The following UBE2N variants were observed in gnomAD, a reference collection of about 807,000 sequenced individuals.
UBE2N encodes the protein ubiquitin-conjugating enzyme E2 N.
For missense variants in UBE2N, 60 were observed against 192.1 expected (o/e 0.31, Z 4.07); for synonymous variants, 70 against 69.2 (o/e 1.01, Z -0.06).
At chr12:93,416,177 G>A (rs1443359537) in intron 1 of UBE2N, among the ~76,000 whole-genome samples, 1 of 152,144 alleles carries the variant, frequency 6.6e-6, no homozygotes, top group Non-Finnish European at 1.5e-5. Flanking sequence ...ATAAACTGTG[G>A]GAGGGGAAAA....
At chr12:93,441,474 C>T (rs1222913600) in intron 1 of UBE2N, among the ~76,000 whole-genome samples, 1 of 152,028 alleles carries the variant, frequency 6.6e-6, no homozygotes, top group Admixed American at 6.5e-5. Flanking sequence ...GCGCCCGAGC[C>T]CCGCCGCGAT....
chr12:93,426,368 T>C (rs772428291), intron 1 of UBE2N, among the ~76,000 whole-genome samples: 5 of 143,554 alleles, frequency 3.5e-5, no homozygotes, highest in Non-Finnish European at 7.5e-5. Flanking sequence ...GAGCCAGCAA[T>C]GTTATTATGT....
Position 93,411,417 on chromosome 12 carries a change from A to G in UBE2N, c.31-118T>C, listed in dbSNP as rs968236412. The G allele has an allele frequency of 8.5e-5, 118 of 1,390,874 alleles. 2 individuals are homozygous for G. Among genetic ancestry groups the G allele is most frequent in the Non-Finnish European group, 1.1e-4 (112 of 1,040,270 alleles). The allele number at this position is 1,390,874 out of a possible 1,614,324, so 86.2% of individuals were successfully genotyped here. On this transcript the variant is annotated intron_variant, in intron 1 of 3. Coordinates refer to ENST00000318066, the MANE Select transcript of UBE2N (RefSeq NM_003348.4). The stretch of plus-strand genomic sequence containing the variant: ...ATAATAGAACAGCTCCAATCTCCCA[A>G]CAGATTTAGCTTATAAAATGCAAAA...
At chr12:93,434,134 A>T (rs1304980229) in intron 1 of UBE2N, among the ~76,000 whole-genome samples, 1 of 150,394 alleles carries the variant, frequency 6.6e-6, no homozygotes, top group African/African-American at 2.5e-5. Flanking sequence ...TACTAAAAAT[A>T]AAAAAAAATT....
chr12:93,416,861 A>G (rs1337717736), intron 1 of UBE2N, among the ~76,000 whole-genome samples: 1 of 151,270 alleles, frequency 6.6e-6, no homozygotes, highest in African/African-American at 2.4e-5. Context: ...CACTACCAAA[A>G]AAAAAAAAAA....
chr12:93,421,067 T>C (rs185169556), intron 1 of UBE2N, among the ~76,000 whole-genome samples: 44 of 152,340 alleles, frequency 2.9e-4, no homozygotes, highest in African/African-American at 9.4e-4. Context: ...TTAATCCTCA[T>C]ACTCATTTTA....
In UBE2N at chr12:93,407,549, T is replaced by A. The variant is rs1241182563; in HGVS notation, c.*2490A>T. ...AGTAACTGGTGAGAAGACAATGACATGCTCTTAGGGTGTCTGCTACTCAGA... is the reference window on the plus strand; with the variant it reads ...AGTAACTGGTGAGAAGACAATGACAAGCTCTTAGGGTGTCTGCTACTCAGA... On this transcript the variant is annotated 3_prime_UTR_variant, in exon 4 of 4. Transcript: ENST00000318066. The A allele has an allele frequency of 6.6e-6, 1 of 152,226 alleles. No homozygotes were observed. The highest frequency in any genetic ancestry group is 1.5e-5 in the Non-Finnish European group (1 of 68,054). 9.4% of individuals were successfully genotyped at this position (152,226 alleles called of 1,614,324 possible).
At chr12:93,437,581 G>T (rs1010149492) in intron 1 of UBE2N, among the ~76,000 whole-genome samples, 1 of 152,164 alleles carries the variant, frequency 6.6e-6, no homozygotes, top group Non-Finnish European at 1.5e-5. Context: ...TGGATCACTT[G>T]AGAAGAGGAG....
rs370959790 is a variant in UBE2N, at chr12:93,441,935, C to T, written c.-51G>A. ...TGGTCTCGTCTCCGGCTCCTCTCGC[C>T]TCACGCACGAGTGGAAGTCCCGGGC... On this transcript the variant is annotated 5_prime_UTR_variant, in exon 1 of 4. Transcript: ENST00000318066. 1.3e-5 allele frequency: 20 copies of T among 1,542,234 alleles called. No homozygotes were observed. Among genetic ancestry groups the T allele is most frequent in the Middle Eastern group, 1.7e-4 (1 of 5,910 alleles).
chr12:93,414,107 G>T (rs1051791681), intron 1 of UBE2N, among the ~76,000 whole-genome samples: 5 of 151,666 alleles, frequency 3.3e-5, no homozygotes, highest in African/African-American at 1.2e-4. Context: ...GTTGCAGTGA[G>T]CTGAGATCGT....
At chr12:93,426,936 ATTC>A (rs1878609759) in intron 1 of UBE2N, among the ~76,000 whole-genome samples, 3 of 151,522 alleles carry the variant, frequency 2.0e-5, no homozygotes, top group South Asian at 2.1e-4. Flanking sequence ...GCCTAAGACA[ATTC>A]TTTTTTTTTT....
At chr12:93,432,101 G>A (rs1310629190) in intron 1 of UBE2N, among the ~76,000 whole-genome samples, 4 of 152,084 alleles carry the variant, frequency 2.6e-5, no homozygotes, top group African/African-American at 7.2e-5. Context: ...GTGTGGTGGC[G>A]TGCACCTGTA....
At position 93,434,559 on chromosome 12, in the gene UBE2N, A is replaced by T. The variant is rs547982438; in HGVS notation, c.30+7296T>A. Among the ~76,000 whole-genome samples the T allele has an allele frequency of 2.0e-5, 3 of 152,330 alleles. No individual in the cohort carries two copies. In the East Asian group the frequency reaches 5.8e-4, roughly 29 times the overall value. ...ACTTTCAGTTATGCTCACATTTCATAATCAAAACATTAGATAGTATATTAA... is the reference window on the plus strand; with the variant it reads ...ACTTTCAGTTATGCTCACATTTCATTATCAAAACATTAGATAGTATATTAA... On this transcript the variant is annotated intron_variant, in intron 1 of 3. Transcript: ENST00000318066.
intron 1 of UBE2N, among the ~76,000 whole-genome samples, chr12:93,440,637 C>T (rs1249359994): frequency 1.3e-5 from 2 of 152,134 alleles, no homozygotes; most frequent in African/African-American, 4.8e-5. Context: ...TTAACATACA[C>T]GTTCACCAGG....
In UBE2N at chr12:93,408,192, A is replaced by G. The variant is rs144241861; in HGVS notation, c.*1847T>C. The G allele has an allele frequency of 6.6e-6, 1 of 152,306 alleles. No individual in the cohort carries two copies. Among genetic ancestry groups the G allele is most frequent in the East Asian group, 1.9e-4 (1 of 5,186 alleles). 9.4% of individuals were successfully genotyped at this position (152,306 alleles called of 1,614,324 possible). A position where few individuals can be genotyped will look rare whatever the true frequency, so the allele number is the denominator to read the frequency against. The stretch of plus-strand genomic sequence containing the variant: ...AAAGTGAGATTCAATTTCCTTAGCT[A>G]TAGTCAAATGTACCCTTTAAACAGC... On this transcript the variant is annotated 3_prime_UTR_variant, in exon 4 of 4. Transcript: ENST00000318066.
intron 1 of UBE2N, chr12:93,429,307 A>T (rs1878684481): frequency 2.4e-6 from 1 of 420,708 alleles, no homozygotes; most frequent in Non-Finnish European, 4.6e-6. Flanking sequence ...ACAAAACTCA[A>T]CTTGATATAT....
intron 1 of UBE2N, 99 bp downstream of exon 1, chr12:93,441,756 G>A: frequency 1.3e-6 from 2 of 1,509,678 alleles, no homozygotes; most frequent in Non-Finnish European, 8.9e-7. Context: ...GGGCCTCCCA[G>A]AGCGGGCCGC....
At chr12:93,419,676 G>A (rs1409015028) in intron 1 of UBE2N, among the ~76,000 whole-genome samples, 2 of 152,092 alleles carry the variant, frequency 1.3e-5, no homozygotes, top group African/African-American at 4.8e-5. Flanking sequence ...TGAAAAAACT[G>A]ATGCTCTTAA....
At chr12:93,434,107 A>G (rs958724718) in intron 1 of UBE2N, among the ~76,000 whole-genome samples, 10 of 152,216 alleles carry the variant, frequency 6.6e-5, no homozygotes, top group Non-Finnish European at 1.3e-4. Flanking sequence ...CCTGGCCAAC[A>G]TGGTGAAACC....
Sources: allele counts gnomAD v4.1 joint callset (sites outside exome capture counted in the v4.1 genomes callset), GRCh38; gene constraint gnomAD v4.1.1; transcripts MANE v1.5; gene names NCBI Gene and HGNC (gene_info 2026-07-23, HGNC 2026-07-21).